KLHL1: variants seen among roughly 807,000 people sequenced by gnomAD.
KLHL1 encodes the protein kelch-like protein 1.
In KLHL1, 47 loss-of-function variants were observed where a neutral mutation model predicts 77.7. That is an observed-to-expected ratio of 0.60 (90% CI 0.48 to 0.77). KLHL1 has a LOEUF of 0.77. Among genes scored for constraint, KLHL1 ranks in the 30% least tolerant of loss-of-function variants. The probability of loss-of-function intolerance (pLI) is 0.00; values close to 1 mark genes in which losing one functional copy is unlikely to be tolerated. For missense variants in KLHL1, 925 were observed against 910.8 expected (o/e 1.02, Z -0.20); for synonymous variants, 360 against 325.2 (o/e 1.11, Z -1.15).
intron 4 of KLHL1, among the ~76,000 whole-genome samples, chr13:69,912,136 G>A (rs900267887): frequency 6.6e-6 from 1 of 152,102 alleles, no homozygotes; most frequent in African/African-American, 2.4e-5. Context: ...TTTAAAACTG[G>A]TGATCATCCA....
At chr13:70,029,300 A>G (rs1886032712) in intron 1 of KLHL1, among the ~76,000 whole-genome samples, 1 of 152,136 alleles carries the variant, frequency 6.6e-6, no homozygotes, top group African/African-American at 2.4e-5. Flanking sequence ...GTGACTTTCT[A>G]TGGCATTGAA....
At chr13:69,832,741 A>C (rs1593870092) in intron 6 of KLHL1, among the ~76,000 whole-genome samples, 1 of 152,136 alleles carries the variant, frequency 6.6e-6, no homozygotes, top group African/African-American at 2.4e-5. Flanking sequence ...ACAGCATGGT[A>C]CTGGTATAAA....
At chr13:69,848,212 A>G (rs889841193) in intron 5 of KLHL1, among the ~76,000 whole-genome samples, 6 of 151,564 alleles carry the variant, frequency 4.0e-5, no homozygotes, top group African/African-American at 1.5e-4. Context: ...GTTCAAAGAC[A>G]TACAGAGAGA....
chr13:69,858,701 G>T (rs1880017995), intron 5 of KLHL1, among the ~76,000 whole-genome samples: 1 of 151,968 alleles, frequency 6.6e-6, no homozygotes, highest in South Asian at 2.1e-4. Flanking sequence ...TAGTGGAAAT[G>T]ACTATTGATA....
intron 7 of KLHL1, among the ~76,000 whole-genome samples, chr13:69,778,269 TACTC>T (rs1875936373): frequency 6.6e-6 from 1 of 152,032 alleles, no homozygotes; most frequent in Non-Finnish European, 1.5e-5. Context: ...ACTGGCCAAT[TACTC>T]AGGAAGATAA....
Position 70,062,677 on chromosome 13 carries a change from T to A in KLHL1, c.497+44526A>T, listed in dbSNP as rs114594269. Among the ~76,000 whole-genome samples the A allele has an allele frequency of 9.4e-3, 1,437 of 152,232 alleles. 33 individuals carry two copies. The highest frequency in any genetic ancestry group is 0.029 in the African/African-American group (1,215 of 41,542). On this transcript the variant is annotated intron_variant, in intron 1 of 10. Transcript: ENST00000377844. ...GATGAGTGAGTAAATATCGTACCTG[T>A]CCATGCCTATATAATCAGACTTTTA...
Position 69,963,670 on chromosome 13 carries a change from T to G in KLHL1, c.681-2226A>C, listed in dbSNP as rs926684696. Among the ~76,000 whole-genome samples, 5 of 152,276 alleles carry G rather than the reference T, an allele frequency of 3.3e-5. 1 individual carries two copies. The highest frequency in any genetic ancestry group is 6.5e-5 in the Admixed American group (1 of 15,286). On this transcript the variant is annotated intron_variant, in intron 2 of 10. Transcript: ENST00000377844. ...ATTAACCAATAACACTCTACCTTCATGGATATTGTAAGAAATTTGCAACAT... is the reference window on the plus strand; with the variant it reads ...ATTAACCAATAACACTCTACCTTCAGGGATATTGTAAGAAATTTGCAACAT...
intron 1 of KLHL1, among the ~76,000 whole-genome samples, chr13:70,077,926 G>C (rs995905655): frequency 1.6e-4 from 25 of 151,970 alleles, no homozygotes; most frequent in Non-Finnish European, 3.5e-4. Context: ...GTGTTCTTTT[G>C]AAAGTCTTTC....
chr13:70,062,173 TC>T (rs1335779002), intron 1 of KLHL1, among the ~76,000 whole-genome samples: 2 of 152,282 alleles, frequency 1.3e-5, no homozygotes, highest in Non-Finnish European at 2.9e-5. Context: ...GCTTGTATTT[TC>T]TGAAACATAA....
chr13:69,833,406 T>A (rs1878844409), intron 6 of KLHL1, among the ~76,000 whole-genome samples: 1 of 151,336 alleles, frequency 6.6e-6, no homozygotes, highest in African/African-American at 2.4e-5. Flanking sequence ...CCACAATGAA[T>A]ACCAGTTTAC....
At chr13:69,779,897 A>AC (rs1876046199) in intron 7 of KLHL1, among the ~76,000 whole-genome samples, 1 of 151,912 alleles carries the variant, frequency 6.6e-6, no homozygotes, top group Admixed American at 6.6e-5. Flanking sequence ...TGCAACCTCC[A>AC]CCTGCCAGGT....
intron 5 of KLHL1, among the ~76,000 whole-genome samples, chr13:69,863,666 GT>G (rs1880259964): frequency 6.6e-6 from 1 of 151,686 alleles, no homozygotes; most frequent in Non-Finnish European, 1.5e-5. Context: ...GTATTTCTTT[GT>G]TTCAGTTGTC....
At chr13:69,723,106 T>C (rs539663375) in intron 8 of KLHL1, among the ~76,000 whole-genome samples, 1 of 152,060 alleles carries the variant, frequency 6.6e-6, no homozygotes, top group Non-Finnish European at 1.5e-5. Flanking sequence ...CTCACTCACA[T>C]GTATACTCTA....
Position 70,015,379 on chromosome 13 carries a change from T to C in KLHL1, c.498-39577A>G, listed in dbSNP as rs149816943. Among the ~76,000 whole-genome samples, 515 of 152,302 alleles carry C rather than the reference T, an allele frequency of 3.4e-3. 2 individuals carry two copies. The highest frequency in any genetic ancestry group is 0.012 in the African/African-American group (502 of 41,564). On this transcript the variant is annotated intron_variant, in intron 1 of 10. Coordinates refer to ENST00000377844, the MANE Select transcript of KLHL1 (RefSeq NM_020866.3). Reference sequence around the variant, plus strand: ...ATAAAAATGGTAAACATATGTATTATAGTCTTATGTGACCACCATCACCTA... The same window carrying C: ...ATAAAAATGGTAAACATATGTATTACAGTCTTATGTGACCACCATCACCTA...
chr13:70,085,920 T>G (rs1239175433), intron 1 of KLHL1, among the ~76,000 whole-genome samples: 1 of 152,098 alleles, frequency 6.6e-6, no homozygotes, highest in African/African-American at 2.4e-5. Flanking sequence ...ATTATGTGAG[T>G]CTGTCTATCC....
At chr13:69,747,514 G>A (rs9599506) in intron 7 of KLHL1, among the ~76,000 whole-genome samples, 1,704 of 152,070 alleles carry the variant, frequency 0.011, 12 homozygotes, top group Non-Finnish European at 0.019. Context: ...CGGATTCATT[G>A]CAGTCACTCA....
At chr13:69,757,325 A>C (rs1874794973) in intron 7 of KLHL1, among the ~76,000 whole-genome samples, 1 of 152,102 alleles carries the variant, frequency 6.6e-6, no homozygotes, top group African/African-American at 2.4e-5. Context: ...TGGCCAAAAT[A>C]ATTTAACATA....
At chr13:69,701,888 T>A (rs566366228) in intron 10 of KLHL1, 127 bp from the exon 11 acceptor site, 1 of 619,066 alleles carries the variant, frequency 1.6e-6, no homozygotes, top group South Asian at 3.2e-5. Context: ...TAGCCAGAAG[T>A]AGTACAGTAA....
intron 6 of KLHL1, among the ~76,000 whole-genome samples, chr13:69,815,956 A>T (rs1172056984): frequency 6.6e-6 from 1 of 152,032 alleles, no homozygotes. Context: ...AGAAATATGA[A>T]AAGGCTATAT....
Sources: allele counts gnomAD v4.1 joint callset (sites outside exome capture counted in the v4.1 genomes callset), GRCh38; gene constraint gnomAD v4.1.1; transcripts MANE v1.5; gene names NCBI Gene and HGNC (gene_info 2026-07-23, HGNC 2026-07-21).